RASAL2: variants seen among roughly 807,000 people sequenced by gnomAD.
RASAL2 encodes the protein ras GTPase-activating protein nGAP.
RASAL2 carries 58 observed loss-of-function variants against 128.9 expected under a neutral mutation model. The observed-to-expected ratio is 0.45, with a 90% CI of 0.36 to 0.56. The LOEUF (loss-of-function observed/expected upper bound fraction) is 0.56, where lower values mean the gene tolerates loss of function less well. RASAL2 is among the 20% of genes least tolerant of loss of function. The pLI is 0.00. For synonymous variants in RASAL2, 561 were observed against 580.8 expected (o/e 0.97, Z 0.49); for missense variants, 1,360 against 1,601.6 (o/e 0.85, Z 2.57).
At chr1:178,129,958 C>G (rs1011263820) in intron 1 of RASAL2, among the ~76,000 whole-genome samples, 17 of 151,992 alleles carry the variant, frequency 1.1e-4, no homozygotes, top group African/African-American at 4.1e-4. Flanking sequence ...ATTAAAACAC[C>G]AGGACTCATT....
At chr1:178,141,812 C>T (rs1175185548) in intron 1 of RASAL2, among the ~76,000 whole-genome samples, 3 of 152,078 alleles carry the variant, frequency 2.0e-5, no homozygotes, top group Non-Finnish European at 1.5e-5. Context: ...AAGAGACAAA[C>T]TTAACAAGGA....
intron 1 of RASAL2, among the ~76,000 whole-genome samples, chr1:178,240,198 C>T (rs1020757511): frequency 2.6e-5 from 4 of 152,124 alleles, no homozygotes; most frequent in Non-Finnish European, 4.4e-5. Context: ...GAGTTGCTGG[C>T]TTACTAATCC....
intron 1 of RASAL2, among the ~76,000 whole-genome samples, chr1:178,276,119 A>T (rs1290216394): frequency 6.6e-6 from 1 of 152,178 alleles, no homozygotes; most frequent in Non-Finnish European, 1.5e-5. Context: ...ATTTAAATCC[A>T]CTGAGGCCAT....
At chr1:178,323,724 C>A (rs899715590) in intron 3 of RASAL2, among the ~76,000 whole-genome samples, 15 of 151,880 alleles carry the variant, frequency 9.9e-5, no homozygotes, top group South Asian at 6.2e-4. Context: ...TTATTAATTT[C>A]TTATATTTAT....
intron 3 of RASAL2, among the ~76,000 whole-genome samples, chr1:178,336,378 G>A (rs542460610): frequency 1.3e-5 from 2 of 152,004 alleles, no homozygotes; most frequent in African/African-American, 4.8e-5. Flanking sequence ...TGTACCATAA[G>A]ATCTATGCTT....
At chr1:178,420,206 G>C (rs995095855) in intron 4 of RASAL2, among the ~76,000 whole-genome samples, 3 of 152,034 alleles carry the variant, frequency 2.0e-5, no homozygotes, top group African/African-American at 7.2e-5. Context: ...TTATATTGTT[G>C]TGCTTTTTAG....
At chr1:178,199,243 G>A (rs950306848) in intron 1 of RASAL2, among the ~76,000 whole-genome samples, 4 of 152,186 alleles carry the variant, frequency 2.6e-5, no homozygotes, top group Non-Finnish European at 5.9e-5. Context: ...GAAATCCCTC[G>A]ACACCTTGCG....
At chr1:178,364,709 G>A (rs891267685) in intron 3 of RASAL2, among the ~76,000 whole-genome samples, 2 of 152,012 alleles carry the variant, frequency 1.3e-5, no homozygotes, top group African/African-American at 4.8e-5. Flanking sequence ...ATAAATATTA[G>A]GTAGCTACTA....
intron 3 of RASAL2, among the ~76,000 whole-genome samples, chr1:178,375,247 G>T (rs1045918230): frequency 6.6e-6 from 1 of 152,048 alleles, no homozygotes; most frequent in Non-Finnish European, 1.5e-5. Context: ...TGAGCAAACT[G>T]TCTTGAAAAG....
intron 1 of RASAL2, among the ~76,000 whole-genome samples, chr1:178,103,065 T>C (rs1248514145): frequency 6.6e-6 from 1 of 152,212 alleles, no homozygotes; most frequent in African/African-American, 2.4e-5. Context: ...TAAATTGCTT[T>C]ATATCTGAAA....
intron 1 of RASAL2, among the ~76,000 whole-genome samples, chr1:178,250,743 T>C (rs1296015663): frequency 6.6e-6 from 1 of 152,232 alleles, no homozygotes; most frequent in South Asian, 2.1e-4. Flanking sequence ...TTTACAACTA[T>C]GGGGACTGCA....
intron 5 of RASAL2, among the ~76,000 whole-genome samples, chr1:178,422,258 G>C (rs1346566208): frequency 6.6e-6 from 1 of 151,916 alleles, no homozygotes; most frequent in Non-Finnish European, 1.5e-5. Flanking sequence ...ATTACCAAGA[G>C]ATTATATTCT....
chr1:178,278,785 T>TTA (rs1666642890), intron 1 of RASAL2, among the ~76,000 whole-genome samples: 1 of 152,188 alleles, frequency 6.6e-6, no homozygotes, highest in Non-Finnish European at 1.5e-5. Context: ...ATAAGTTGCT[T>TTA]ATCCTCTAAG....
chr1:178,381,452 C>T (rs1429257577), intron 3 of RASAL2, among the ~76,000 whole-genome samples: 2 of 152,102 alleles, frequency 1.3e-5, no homozygotes, highest in Admixed American at 1.3e-4. Context: ...ACATCATAGG[C>T]TCCTTTCTTT....
chr1:178,323,645 A>G (rs1231180398), intron 3 of RASAL2, among the ~76,000 whole-genome samples: 1 of 152,188 alleles, frequency 6.6e-6, no homozygotes, highest in Non-Finnish European at 1.5e-5. Flanking sequence ...TTAATATCAT[A>G]ACCATAGTTG....
intron 3 of RASAL2, among the ~76,000 whole-genome samples, chr1:178,314,728 G>C (rs1178654169): frequency 6.6e-6 from 1 of 152,072 alleles, no homozygotes; most frequent in Non-Finnish European, 1.5e-5. Flanking sequence ...TATTTGATTT[G>C]AAGTGGTAGG....
At chr1:178,430,841 G>C (rs1170081261) in intron 5 of RASAL2, among the ~76,000 whole-genome samples, 1 of 151,444 alleles carries the variant, frequency 6.6e-6, no homozygotes, top group African/African-American at 2.4e-5. Context: ...TCTTTGTTGT[G>C]TGTGTTGATA....
chr1:178,454,891 AAATT>A (rs1380837367), intron 12 of RASAL2, among the ~76,000 whole-genome samples: 1 of 152,112 alleles, frequency 6.6e-6, no homozygotes, highest in East Asian at 1.9e-4. Flanking sequence ...ATATTTCTCT[AAATT>A]TATATATACA....
At chr1:178,293,565 A>G (rs12038759) in intron 2 of RASAL2, among the ~76,000 whole-genome samples, 2 of 151,990 alleles carry the variant, frequency 1.3e-5, no homozygotes, top group East Asian at 1.9e-4. Flanking sequence ...TTTTCTCCCT[A>G]TTAAGAGGCT....
Sources: gnomAD v4.1 joint callset for allele counts (sites outside exome capture counted in the v4.1 genomes callset) on GRCh38, gnomAD v4.1.1 for gene constraint, MANE v1.5 for transcripts, NCBI Gene and HGNC (gene_info 2026-07-23, HGNC 2026-07-21) for gene names.